ARHGAP33: variants seen among roughly 807,000 people sequenced by gnomAD.
ARHGAP33 encodes the protein rho GTPase-activating protein 33.
A neutral mutation model predicts 126.2 loss-of-function variants in ARHGAP33; 57 were observed. That is an observed-to-expected ratio of 0.45 (90% CI 0.36 to 0.56). ARHGAP33 has a LOEUF of 0.56. Ranked by LOEUF, ARHGAP33 falls within the 20% of genes least tolerant of loss-of-function variation. The pLI is 0.00. For synonymous variants in ARHGAP33, 711 were observed against 755.0 expected, an observed-to-expected ratio of 0.94 and a Z score of 0.95; for missense variants, 1,500 against 1,748.3, an observed-to-expected ratio of 0.86 and a Z score of 2.53.
In ARHGAP33 at chr19:35,788,459, C is replaced by CCCTTCACCCT; in HGVS notation, c.*32_*41dup. The CCCTTCACCCT allele has an allele frequency of 6.7e-7, 1 of 1,483,906 alleles. No individual in the cohort carries two copies. The highest frequency in any genetic ancestry group is 9.0e-7 in the Non-Finnish European group (1 of 1,114,652). The allele number at this position is 1,483,906 out of a possible 1,614,324, so 91.9% of individuals were successfully genotyped here. ...CAGCTGGGAGGGGCCGTCCTTCCTTCCCTTCACCCTCACTGGATCTTGGCC... is the reference window on the plus strand; with the variant it reads ...CAGCTGGGAGGGGCCGTCCTTCCTTCCCTTCACCCTCCTTCACCCTCACTGGATCTTGGCC... On this transcript the variant is annotated 3_prime_UTR_variant, in exon 21 of 21. Transcript: ENST00000007510.
intron 3 of ARHGAP33, 78 bp from the exon 4 acceptor site, chr19:35,778,202 C>T (rs1030557491): frequency 2.1e-5 from 32 of 1,493,066 alleles, no homozygotes; most frequent in Non-Finnish European, 2.9e-5. Context: ...GAGTCACAAA[C>T]CCGTCCCTAG....
At chr19:35,783,913 T>A (rs1285196080) in intron 15 of ARHGAP33, among the ~76,000 whole-genome samples, 1 of 134,134 alleles carries the variant, frequency 7.5e-6, no homozygotes, top group Admixed American at 7.6e-5. Flanking sequence ...GGGTGACAGA[T>A]TGATTGTGGG....
At position 35,785,313 on chromosome 19, in the gene ARHGAP33, C is replaced by T. The variant is rs752247459; in HGVS notation, c.1846C>T (p.Arg616Cys). The stretch of plus-strand genomic sequence containing the variant: ...GCCCCTGCCCTGGCTGGGGGGCACC[C>T]GTGCCCCACCGCAGCCTTCAGGTGA... ...KKPLPWLGGT[R>C]APPQPSGSRP... Residue 616 changes from arginine (R) to cysteine (C), a missense_variant, in exon 18 of 21, where the codon CGT becomes TGT. Coordinates refer to ENST00000007510, the MANE Select transcript of ARHGAP33 (RefSeq NM_001366178.1). The T allele has an allele frequency of 3.7e-6, 6 of 1,609,014 alleles. No homozygotes were observed. The highest frequency in any genetic ancestry group is 2.7e-5 in the African/African-American group (2 of 74,758).
At position 35,787,832 on chromosome 19, in the gene ARHGAP33, C is replaced by T. The variant is rs776419803; in HGVS notation, c.3267C>T (p.Ile1089=). 7.5e-5 allele frequency: 121 copies of T among 1,607,696 alleles called. No individual in the cohort carries two copies. The highest frequency in any genetic ancestry group is 1.3e-4 in the African/African-American group (10 of 74,676). ...LDRGENLYYE[I]GASEGSPYSG... is the part of the protein sequence containing the mutation. ...GGGGAGAGAACCTGTACTATGAGAT[C>T]GGGGCAAGTGAGGGGTCCCCCTATT... The change falls in exon 21 of 21, where the codon ATC becomes ATT. Residue 1089 remains isoleucine, a synonymous_variant. Coordinates refer to ENST00000007510, the MANE Select transcript of ARHGAP33 (RefSeq NM_001366178.1).
intron 16 of ARHGAP33, 72 bp downstream of exon 16, chr19:35,784,389 G>A (rs1971977385): frequency 1.4e-6 from 2 of 1,468,846 alleles, no homozygotes; most frequent in South Asian, 2.8e-5. Flanking sequence ...AGGGCAGGTG[G>A]GCTCCCAGTC....
Position 35,786,290 on chromosome 19 carries a change from T to G in ARHGAP33, c.1943-123T>G. ...GGTCTCCACTGTCAATCTGAACAGCTCTTCCTGGCTTCACACTACTGTGGC... is the reference window on the plus strand; with the variant it reads ...GGTCTCCACTGTCAATCTGAACAGCGCTTCCTGGCTTCACACTACTGTGGC... On this transcript the variant is annotated intron_variant, in intron 19 of 20. Coordinates refer to ENST00000007510, the MANE Select transcript of ARHGAP33 (RefSeq NM_001366178.1). The surrounding 1 kb of genome is among the most constrained non-coding windows in gnomAD (Gnocchi z 7.0). The G allele has an allele frequency of 1.4e-6, 2 of 1,436,082 alleles. No homozygotes were observed. Among genetic ancestry groups the G allele is most frequent in the Non-Finnish European group, 1.8e-6 (2 of 1,099,600 alleles). The allele number at this position is 1,436,082 out of a possible 1,614,324, so 89.0% of individuals were successfully genotyped here.
chr19:35,779,186 A>C, intron 6 of ARHGAP33, 62 bp downstream of exon 6: 1 of 1,338,894 alleles, frequency 7.5e-7, no homozygotes, highest in African/African-American at 1.5e-5. Context: ...AGGGGCGAGA[A>C]GCAGCCTCGG....
chr19:35,788,025 G>GC lies in ARHGAP33; in HGVS notation c.3466dup (p.Gln1156ProfsTer11). On this transcript the variant is annotated frameshift_variant, in exon 21 of 21. Transcript: ENST00000007510. LOFTEE classifies it high-confidence loss of function. Reference sequence around the variant, plus strand: ...TCCCCCTGACCACCTTGGCTACTCAGCCCCCCAGCACCCTGCTCGGCGCCC... The same window carrying GC: ...TCCCCCTGACCACCTTGGCTACTCAGCCCCCCCAGCACCCTGCTCGGCGCCC... The GC allele has an allele frequency of 6.3e-7, 1 of 1,593,270 alleles. No individual in the cohort carries two copies.
chr19:35,781,424 A>G (rs1420772915), intron 12 of ARHGAP33, among the ~76,000 whole-genome samples, 172 bp downstream of exon 12: 1 of 152,178 alleles, frequency 6.6e-6, no homozygotes, highest in Non-Finnish European at 1.5e-5. Flanking sequence ...AGCGAGGACT[A>G]TCTTCACCGA....
intron 15 of ARHGAP33, among the ~76,000 whole-genome samples, chr19:35,783,220 T>A (rs1236544096): frequency 1.3e-5 from 2 of 152,190 alleles, no homozygotes; most frequent in Non-Finnish European, 2.9e-5. Flanking sequence ...GCAGGTCTTC[T>A]GTGGCCAGCA....
In ARHGAP33 at chr19:35,777,809, T is replaced by C. The variant is rs1430924805; in HGVS notation, c.105-15T>C. ...GACTCAAGGAGCTGCTGGTGACGCATCCCCTGTCTCCCAGGCTCTCAGCTC... is the reference window on the plus strand; with the variant it reads ...GACTCAAGGAGCTGCTGGTGACGCACCCCCTGTCTCCCAGGCTCTCAGCTC... On this transcript the variant is annotated splice_polypyrimidine_tract_variant and intron_variant, in intron 2 of 20. Coordinates refer to ENST00000007510, the MANE Select transcript of ARHGAP33 (RefSeq NM_001366178.1). 1.2e-6 allele frequency: 2 copies of C among 1,614,046 alleles called. No homozygotes were observed. The highest frequency in any genetic ancestry group is 1.7e-5 in the Admixed American group (1 of 60,018).
rs1426056726 is a variant in ARHGAP33 at position 35,786,277 on chromosome 19, C to T, written c.1943-136C>T. On this transcript the variant is annotated intron_variant, in intron 19 of 20. Coordinates refer to ENST00000007510, the MANE Select transcript of ARHGAP33 (RefSeq NM_001366178.1). This position sits in a 1 kb window ranked among gnomAD's most constrained non-coding sequence, Gnocchi z 7.0. ...GTGTCCTCTTCATGGTCTCCACTGT[C>T]AATCTGAACAGCTCTTCCTGGCTTC... 1 of 1,432,436 alleles carries T rather than the reference C, an allele frequency of 7.0e-7. No homozygotes were observed. Among genetic ancestry groups the T allele is most frequent in the East Asian group, 2.5e-5 (1 of 39,912 alleles). The allele number at this position is 1,432,436 out of a possible 1,614,324, so 88.7% of individuals were successfully genotyped here.
At position 35,788,619 on chromosome 19, in the gene ARHGAP33, T is replaced by C; in HGVS notation, c.*190T>C. 1 of 528,942 alleles carries C rather than the reference T, an allele frequency of 1.9e-6. No individual in the cohort carries two copies. Among genetic ancestry groups the C allele is most frequent in the Non-Finnish European group, 3.2e-6 (1 of 312,110 alleles). 32.8% of individuals were successfully genotyped at this position (528,942 alleles called of 1,614,324 possible). On this transcript the variant is annotated 3_prime_UTR_variant, in exon 21 of 21. Coordinates refer to ENST00000007510, the MANE Select transcript of ARHGAP33 (RefSeq NM_001366178.1). ...TACCCTGGACTGAAGGGTCTGCCCA[T>C]CCCCCCACCACCCTCCATCCTGGGG...
Position 35,777,680 on chromosome 19 carries a change from G to GA in ARHGAP33, c.42_43insA (p.Gly15ArgfsTer34). The GA allele has an allele frequency of 3.1e-6, 5 of 1,588,650 alleles. No individual in the cohort carries two copies. The highest frequency in any genetic ancestry group is 4.3e-6 in the Non-Finnish European group (5 of 1,167,300). Reference sequence around the variant, plus strand: ...CTGACAGCCTGGATGGCCCAGGGGAGGGCTCGGTGCAGCCTCTACCCACTG... The same window carrying GA: ...CTGACAGCCTGGATGGCCCAGGGGAGAGGCTCGGTGCAGCCTCTACCCACTG... On this transcript the variant is annotated frameshift_variant, in exon 2 of 21. Transcript: ENST00000007510. LOFTEE classifies it high-confidence loss of function.
chr19:35,788,393 C>A lies in ARHGAP33; in HGVS notation c.3828C>A (p.Ser1276=). Residue 1276 remains serine, a synonymous_variant, in exon 21 of 21, where the codon TCC becomes TCA. Transcript: ENST00000007510. Reference sequence around the variant, plus strand: ...CCCCTTACCCCACTCCCAGCTGGTCCCTCCACTCTGAGGGCCAGACCCGAA... The same window carrying A: ...CCCCTTACCCCACTCCCAGCTGGTCACTCCACTCTGAGGGCCAGACCCGAA... ...PPPPYPTPSW[S]LHSEGQTRSY... 1 of 1,583,514 alleles carries A rather than the reference C, an allele frequency of 6.3e-7. No individual in the cohort carries two copies. Among genetic ancestry groups the A allele is most frequent in the East Asian group, 2.3e-5 (1 of 43,526 alleles).
In ARHGAP33 at chr19:35,775,644, G is replaced by T. The variant is rs1360446760; in HGVS notation, c.-15G>T. 11 of 1,542,850 alleles carry T rather than the reference G, an allele frequency of 7.1e-6. No homozygotes were observed. Among genetic ancestry groups the T allele is most frequent in the Non-Finnish European group, 7.0e-6 (8 of 1,150,156 alleles). ...GGGGTCGAGCGCGGCCGGGGCCTGA[G>T]GAGGCTACGCGACCATGGTGGTAAG... On this transcript the variant is annotated 5_prime_UTR_variant, in exon 1 of 21. The change creates a new upstream start codon in the 5' untranslated region. Coordinates refer to ENST00000007510, the MANE Select transcript of ARHGAP33 (RefSeq NM_001366178.1).
chr19:35,778,780 T>A, intron 5 of ARHGAP33, 179 bp downstream of exon 5: 1 of 1,072,990 alleles, frequency 9.3e-7, no homozygotes, highest in Non-Finnish European at 1.3e-6. Context: ...TTAGCTTTGC[T>A]AAGTTTTAGG....
At chr19:35,784,908 G>C (rs1279042634) in intron 16 of ARHGAP33, 45 bp from the exon 17 acceptor site, 5 of 1,501,240 alleles carry the variant, frequency 3.3e-6, no homozygotes, top group Non-Finnish European at 4.4e-6. Flanking sequence ...CTGTGGCCTT[G>C]GGCGGCCCCA....
In ARHGAP33 at chr19:35,786,471, G is replaced by T; in HGVS notation, c.2001G>T (p.Val667=). Reference sequence around the variant, plus strand: ...ACTCCAGCAGCGACGCTTTCCCTGTGGGCCCAGCACCTGCTGGCTCCTGCG... The same window carrying T: ...ACTCCAGCAGCGACGCTTTCCCTGTTGGCCCAGCACCTGCTGGCTCCTGCG... The part of the protein sequence containing the change: ...RPHSSSDAFP[V]GPAPAGSCES... Residue 667 remains valine (V), a synonymous_variant, in exon 20 of 21, where the codon GTG becomes GTT. Transcript: ENST00000007510. This position sits in a 1 kb window ranked among gnomAD's most constrained non-coding sequence, Gnocchi z 7.0. 2 of 1,535,872 alleles carry T rather than the reference G, an allele frequency of 1.3e-6. No homozygotes were observed. The highest frequency in any genetic ancestry group is 1.7e-6 in the Non-Finnish European group (2 of 1,146,742).
Sources: allele counts gnomAD v4.1 joint callset (sites outside exome capture counted in the v4.1 genomes callset), GRCh38; gene constraint gnomAD v4.1.1; non-coding constraint Gnocchi (gnomAD v3.1); transcripts MANE v1.5; gene names NCBI Gene and HGNC (gene_info 2026-07-23, HGNC 2026-07-21).